Variants in CBLB observed in about 807,000 individuals in gnomAD.
The protein encoded by CBLB is Cbl proto-oncogene B, also known as E3 ubiquitin-protein ligase CBL-B.
Under a neutral mutation model 104.9 loss-of-function variants are expected in CBLB, and 31 were observed. The ratio of observed to expected loss-of-function variants is 0.30; its 90% CI spans 0.22 to 0.40. The LOEUF is 0.40. CBLB is among the 10% of genes least tolerant of loss of function. The pLI is 1.00. For missense variants in CBLB, 1,062 were observed against 1,214.6 expected (o/e 0.87, Z 1.87); for synonymous variants, 440 against 422.6 (o/e 1.04, Z -0.51).
intron 14 of CBLB, 199 bp from the exon 15 acceptor site, chr3:105,682,017 C>G (rs2152728905): frequency 3.6e-6 from 2 of 552,222 alleles, no homozygotes; most frequent in Non-Finnish European, 6.4e-6. Flanking sequence ...TCAAGTAACA[C>G]AGTCTCTCTT....
intron 3 of CBLB, among the ~76,000 whole-genome samples, chr3:105,812,448 A>G (rs1487626489): frequency 2.0e-5 from 3 of 152,340 alleles, no homozygotes; most frequent in South Asian, 2.1e-4. Context: ...GCCAAGAGCT[A>G]TGCAAAGGAA....
chr3:105,739,234 T>A (rs1301643685), intron 7 of CBLB, among the ~76,000 whole-genome samples: 4 of 152,206 alleles, frequency 2.6e-5, no homozygotes, highest in Non-Finnish European at 5.9e-5. Context: ...TTTTAGAAAT[T>A]CCTAATTTTT....
chr3:105,761,824 A>G (rs942546703), intron 4 of CBLB, among the ~76,000 whole-genome samples: 7 of 152,220 alleles, frequency 4.6e-5, no homozygotes, highest in African/African-American at 1.4e-4. Context: ...TGGAGGGCTC[A>G]GAAGAAGAGA....
intron 13 of CBLB, among the ~76,000 whole-genome samples, chr3:105,685,795 A>G (rs1293508885): frequency 2.0e-5 from 3 of 152,234 alleles, no homozygotes; most frequent in African/African-American, 7.2e-5. Context: ...ATCTATTAAA[A>G]TATTAATATT....
chr3:105,861,741 A>G (rs751599194), intron 2 of CBLB, among the ~76,000 whole-genome samples: 2 of 151,394 alleles, frequency 1.3e-5, no homozygotes, highest in South Asian at 2.1e-4. Context: ...AGTTATTTCA[A>G]TGATGTTCAA....
chr3:105,739,798 C>T (rs985296560), intron 7 of CBLB, among the ~76,000 whole-genome samples: 6 of 151,922 alleles, frequency 3.9e-5, no homozygotes, highest in Admixed American at 3.9e-4. Flanking sequence ...CTGGCACTAA[C>T]AATCAAAATA....
chr3:105,814,396 TAACA>T (rs2084729003), intron 3 of CBLB, among the ~76,000 whole-genome samples: 1 of 152,218 alleles, frequency 6.6e-6, no homozygotes, highest in South Asian at 2.1e-4. Flanking sequence ...TTAAATTCTG[TAACA>T]AACCTGAACT....
At chr3:105,822,111 TATC>T (rs1466114343) in intron 3 of CBLB, among the ~76,000 whole-genome samples, 1 of 152,174 alleles carries the variant, frequency 6.6e-6, no homozygotes, top group Admixed American at 6.6e-5. Flanking sequence ...TATTTATCAT[TATC>T]TTTTATTCAT....
chr3:105,690,755 G>C (rs1214348968), intron 13 of CBLB, among the ~76,000 whole-genome samples: 1 of 151,236 alleles, frequency 6.6e-6, no homozygotes, highest in Non-Finnish European at 1.5e-5. Flanking sequence ...CCAGGAGGCA[G>C]AGGTTGCAGT....
chr3:105,849,957 G>A (rs568974445), intron 3 of CBLB, among the ~76,000 whole-genome samples: 47 of 152,216 alleles, frequency 3.1e-4, no homozygotes, highest in South Asian at 1.7e-3. Flanking sequence ...CTTGAAAAGT[G>A]TACAAGAATA....
chr3:105,730,508 G>A (rs1223676571), intron 9 of CBLB, among the ~76,000 whole-genome samples: 1 of 151,972 alleles, frequency 6.6e-6, no homozygotes, highest in Non-Finnish European at 1.5e-5. Flanking sequence ...ACTGCGTAAT[G>A]ACCAATGTGC....
chr3:105,815,513 G>A (rs1438882284), intron 3 of CBLB, among the ~76,000 whole-genome samples: 2 of 152,162 alleles, frequency 1.3e-5, no homozygotes, highest in Non-Finnish European at 2.9e-5. Flanking sequence ...TCTCACGCCA[G>A]TTAGAATGGT....
In CBLB at chr3:105,727,585, G is replaced by A. The variant is rs946236266; in HGVS notation, c.1203+6424C>T. On this transcript the variant is annotated intron_variant, in intron 9 of 18. Coordinates refer to ENST00000394030, the MANE Select transcript of CBLB (RefSeq NM_170662.5). ...GTCTATTTTGGCTTTTGTTGCCATT[G>A]CTTTTAGTGTTTTAGTCATGAAGTC... is the stretch of plus-strand genomic sequence containing the variant. Among the ~76,000 whole-genome samples, 144 of 152,198 alleles carry A rather than the reference G, an allele frequency of 9.5e-4. 1 individual carries two copies. The highest frequency in any genetic ancestry group is 3.4e-3 in the African/African-American group (143 of 41,530).
chr3:105,678,709 A>G (rs575617157), intron 16 of CBLB, 138 bp from the exon 17 acceptor site: 9 of 938,374 alleles, frequency 9.6e-6, no homozygotes, highest in South Asian at 1.4e-5. Flanking sequence ...CAGTTCACCA[A>G]CTTTGATAAT....
chr3:105,776,655 C>T, intron 3 of CBLB, 113 bp from the exon 4 acceptor site: 1 of 996,322 alleles, frequency 1.0e-6, no homozygotes, highest in Non-Finnish European at 1.5e-6. Flanking sequence ...CAACGTATGT[C>T]TTGGTGGTTG....
intron 3 of CBLB, among the ~76,000 whole-genome samples, chr3:105,829,665 CCAAAAAAAAAAAAAA>C (rs2087141474): frequency 1.5e-5 from 1 of 66,386 alleles, no homozygotes; most frequent in Non-Finnish European, 2.7e-5. Flanking sequence ...CAAGACCGTC[CCAAAAAAAAAAAAAA>C]AAAAAAAAAA....
chr3:105,727,716 TG>T (rs2073838892), intron 9 of CBLB, among the ~76,000 whole-genome samples: 1 of 152,212 alleles, frequency 6.6e-6, no homozygotes, highest in Non-Finnish European at 1.5e-5. Context: ...AGTTAATTTT[TG>T]TATAAGATAT....
At chr3:105,717,037 T>C (rs893899690) in intron 10 of CBLB, among the ~76,000 whole-genome samples, 1 of 152,164 alleles carries the variant, frequency 6.6e-6, no homozygotes, top group East Asian at 1.9e-4. Context: ...GTTCCCAGCA[T>C]TTCCTTTCGA....
At chr3:105,733,690 C>G (rs2074587400) in intron 9 of CBLB, among the ~76,000 whole-genome samples, 1 of 152,158 alleles carries the variant, frequency 6.6e-6, no homozygotes, top group African/African-American at 2.4e-5. Context: ...AACTGACCTA[C>G]TACAAACAGA....
Sources: gnomAD v4.1 joint callset for allele counts (sites outside exome capture counted in the v4.1 genomes callset) on GRCh38, gnomAD v4.1.1 for gene constraint, MANE v1.5 for transcripts, NCBI Gene and HGNC (gene_info 2026-07-23, HGNC 2026-07-21) for gene names.